RAB11FIP4: variants seen among roughly 807,000 people sequenced by gnomAD.
The protein encoded by RAB11FIP4 is RAB11 family interacting protein 4.
A neutral mutation model predicts 74.3 loss-of-function variants in RAB11FIP4; 23 were observed. That is an observed-to-expected ratio of 0.31 (90% CI 0.22 to 0.44). The LOEUF is 0.44. Ranked by LOEUF, RAB11FIP4 falls within the 20% of genes least tolerant of loss-of-function variation. The probability of loss-of-function intolerance (pLI) is 1.00; values close to 1 mark genes in which losing one functional copy is unlikely to be tolerated. For missense variants in RAB11FIP4, 630 were observed against 863.9 expected (o/e 0.73, Z 3.39); for synonymous variants, 360 against 359.9 (o/e 1.00, Z 0.00).
intron 3 of RAB11FIP4, among the ~76,000 whole-genome samples, chr17:31,472,594 G>A (rs959779032): frequency 7.9e-5 from 12 of 152,192 alleles, no homozygotes; most frequent in Admixed American, 5.2e-4. Flanking sequence ...CCATGAACAC[G>A]GAAATAAGTC....
At chr17:31,433,556 C>T (rs550192904) in intron 2 of RAB11FIP4, among the ~76,000 whole-genome samples, 5 of 152,318 alleles carry the variant, frequency 3.3e-5, no homozygotes, top group East Asian at 1.9e-4. Flanking sequence ...ATCTCAGGAG[C>T]GAGGCCAGCC....
intron 3 of RAB11FIP4, among the ~76,000 whole-genome samples, chr17:31,455,917 C>T (rs1164068846): frequency 3.9e-5 from 6 of 152,202 alleles, no homozygotes; most frequent in East Asian, 1.9e-4. Flanking sequence ...ACTCACCCTC[C>T]GCTGAGAGTG....
chr17:31,522,540 C>T (rs1445737232), intron 7 of RAB11FIP4, 145 bp downstream of exon 7: 3 of 709,798 alleles, frequency 4.2e-6, no homozygotes, highest in Non-Finnish European at 7.2e-6. Context: ...CAGGGCAGTG[C>T]AGCCAGGGCA....
intron 3 of RAB11FIP4, among the ~76,000 whole-genome samples, chr17:31,485,233 T>C (rs1346638560): frequency 6.6e-6 from 1 of 152,040 alleles, no homozygotes; most frequent in Non-Finnish European, 1.5e-5. Flanking sequence ...AACCCAGGAG[T>C]GTTCAATGCA....
intron 3 of RAB11FIP4, among the ~76,000 whole-genome samples, chr17:31,515,186 C>G (rs71375448): frequency 2.6e-5 from 4 of 152,146 alleles, no homozygotes; most frequent in African/African-American, 7.2e-5. Flanking sequence ...CTCAGTGATG[C>G]TGGTTTCCTT....
intron 3 of RAB11FIP4, among the ~76,000 whole-genome samples, chr17:31,503,208 T>G (rs2072254372): frequency 6.6e-6 from 1 of 150,756 alleles, no homozygotes; most frequent in African/African-American, 2.5e-5. Context: ...AATTTTTGTA[T>G]TTTTAGTAGA....
At chr17:31,434,351 T>G (rs1293921791) in intron 3 of RAB11FIP4, among the ~76,000 whole-genome samples, 2 of 152,100 alleles carry the variant, frequency 1.3e-5, no homozygotes, top group Admixed American at 1.3e-4. Context: ...TTATTTCCCA[T>G]CTGTGGCACG....
chr17:31,433,453 G>C (rs2071328239), intron 2 of RAB11FIP4, among the ~76,000 whole-genome samples: 1 of 152,224 alleles, frequency 6.6e-6, no homozygotes, highest in South Asian at 2.1e-4. Context: ...TTTGACAATG[G>C]GCCACTGCAG....
intron 3 of RAB11FIP4, among the ~76,000 whole-genome samples, chr17:31,481,117 T>C (rs2071844935): frequency 6.6e-6 from 1 of 152,054 alleles, no homozygotes; most frequent in Non-Finnish European, 1.5e-5. Context: ...AAAGAATGAA[T>C]GAAGGAATCA....
intron 3 of RAB11FIP4, among the ~76,000 whole-genome samples, chr17:31,511,232 T>C (rs564234315): frequency 2.0e-5 from 3 of 152,238 alleles, no homozygotes; most frequent in Non-Finnish European, 4.4e-5. Context: ...GGCCTGGCCG[T>C]CTACTCCAGA....
At chr17:31,479,931 A>T (rs371763248) in intron 3 of RAB11FIP4, among the ~76,000 whole-genome samples, 3 of 152,180 alleles carry the variant, frequency 2.0e-5, no homozygotes, top group African/African-American at 2.4e-5. Context: ...TCATGTTTAT[A>T]TAGGCCTAGA....
At chr17:31,445,532 T>TTTTATA (rs2071443936) in intron 3 of RAB11FIP4, among the ~76,000 whole-genome samples, 2 of 36,592 alleles carry the variant, frequency 5.5e-5, no homozygotes, top group African/African-American at 3.4e-4. Flanking sequence ...TTTCCCAATT[T>TTTTATA]TATATATATA....
chr17:31,445,572 A>ATG (rs2071452462), intron 3 of RAB11FIP4, among the ~76,000 whole-genome samples: 7 of 10,696 alleles, frequency 6.5e-4, no homozygotes, highest in African/African-American at 8.9e-4. Flanking sequence ...ATATATATAT[A>ATG]TATATATTTT....
At chr17:31,431,345 A>G (rs2071307617) in intron 1 of RAB11FIP4, among the ~76,000 whole-genome samples, 1 of 152,322 alleles carries the variant, frequency 6.6e-6, no homozygotes, top group African/African-American at 2.4e-5. Context: ...CAAGGTACAA[A>G]TAGAACAGAA....
At position 31,449,731 on chromosome 17, in the gene RAB11FIP4, G is replaced by A. The variant is rs1391999487; in HGVS notation, c.336+15609G>A. On this transcript the variant is annotated intron_variant, in intron 3 of 14. Transcript: ENST00000621161. Reference sequence around the variant, plus strand: ...TATTTTTATTTTTTGTAGAGATGGGGGTCTTGTTCTGTTCCCCAGGCTGGA... The same window carrying A: ...TATTTTTATTTTTTGTAGAGATGGGAGTCTTGTTCTGTTCCCCAGGCTGGA... Among the ~76,000 whole-genome samples, 5 of 151,696 alleles carry A rather than the reference G, an allele frequency of 3.3e-5. No individual in the cohort carries two copies. The South Asian group carries it at 8.3e-4, about 25-fold the overall frequency.
intron 1 of RAB11FIP4, among the ~76,000 whole-genome samples, chr17:31,402,405 A>G (rs2070995738): frequency 6.6e-6 from 1 of 152,080 alleles, no homozygotes; most frequent in Non-Finnish European, 1.5e-5. Context: ...GACTTTCGGG[A>G]GGGCTCAGGA....
At chr17:31,490,653 G>C (rs907476400) in intron 3 of RAB11FIP4, among the ~76,000 whole-genome samples, 28 of 152,196 alleles carry the variant, frequency 1.8e-4, no homozygotes, top group African/African-American at 6.7e-4. Flanking sequence ...ACCCTCCCAG[G>C]CTCAAGCAAT....
chr17:31,471,035 A>G (rs1379377904), intron 3 of RAB11FIP4, among the ~76,000 whole-genome samples: 2 of 151,624 alleles, frequency 1.3e-5, no homozygotes, highest in South Asian at 2.1e-4. Context: ...TTTTAAAATC[A>G]TATGTCATAA....
chr17:31,486,712 G>C (rs190429457), intron 3 of RAB11FIP4, among the ~76,000 whole-genome samples: 118 of 152,336 alleles, frequency 7.7e-4, no homozygotes, highest in Admixed American at 4.2e-3. Flanking sequence ...CGAGGAGAGG[G>C]CTGGGGCAGT....
Sources: allele counts gnomAD v4.1 joint callset (sites outside exome capture counted in the v4.1 genomes callset), GRCh38; gene constraint gnomAD v4.1.1; transcripts MANE v1.5; gene names NCBI Gene and HGNC (gene_info 2026-07-23, HGNC 2026-07-21).